NLGN1: variants seen among roughly 807,000 people sequenced by gnomAD.
The protein encoded by NLGN1 is neuroligin 1.
A neutral mutation model predicts 65.5 loss-of-function variants in NLGN1; 12 were observed. The observed-to-expected ratio is 0.18, with a 90% CI of 0.12 to 0.30. NLGN1 has a LOEUF of 0.30. Among genes scored for constraint, NLGN1 ranks in the 10% least tolerant of loss-of-function variants. NLGN1 has a pLI of 1.00. For synonymous variants in NLGN1, 350 were observed against 359.5 expected (o/e 0.97, Z 0.30); for missense variants, 750 against 1,007.1 (o/e 0.74, Z 3.46).
At chr3:173,758,092 G>T (rs1255410141) in intron 3 of NLGN1, among the ~76,000 whole-genome samples, 4 of 151,920 alleles carry the variant, frequency 2.6e-5, no homozygotes, top group African/African-American at 9.7e-5. Flanking sequence ...ACTATTGCTG[G>T]CCTTATAAGA....
chr3:173,425,819 C>A (rs1715990075), intron 1 of NLGN1, among the ~76,000 whole-genome samples: 1 of 151,894 alleles, frequency 6.6e-6, no homozygotes, highest in African/African-American at 2.4e-5. Flanking sequence ...ATTTGGGGTT[C>A]TTTGTAGTTC....
intron 4 of NLGN1, among the ~76,000 whole-genome samples, chr3:174,063,040 ACT>A (rs1196641842): frequency 1.3e-5 from 2 of 152,082 alleles, no homozygotes; most frequent in African/African-American, 4.8e-5. Flanking sequence ...CTGAAAGAAA[ACT>A]CTATTATCTA....
chr3:173,962,341 A>T (rs1165299389), intron 4 of NLGN1, among the ~76,000 whole-genome samples: 1 of 152,084 alleles, frequency 6.6e-6, no homozygotes, highest in African/African-American at 2.4e-5. Context: ...ACATCACCTT[A>T]AGTTGGAAGC....
chr3:174,246,115 T>C (rs891866252), intron 4 of NLGN1, among the ~76,000 whole-genome samples: 5 of 152,198 alleles, frequency 3.3e-5, no homozygotes, highest in African/African-American at 1.2e-4. Flanking sequence ...ATTCTAGGAA[T>C]GAGAATTGTA....
At chr3:174,284,100 G>A (rs1186022489) in exon 7 of NLGN1, 1 of 151,114 alleles carries the variant, frequency 6.6e-6, no homozygotes, top group Non-Finnish European at 1.5e-5. Context: ...ATTAATTTAG[G>A]AAAATGATTG....
chr3:173,992,690 G>A (rs140140177), intron 4 of NLGN1, among the ~76,000 whole-genome samples: 6 of 152,066 alleles, frequency 3.9e-5, no homozygotes, highest in African/African-American at 1.4e-4. Flanking sequence ...GGCACTCTAG[G>A]GTATGTAATG....
chr3:173,714,201 A>C (rs1769462634), intron 3 of NLGN1, among the ~76,000 whole-genome samples: 1 of 152,140 alleles, frequency 6.6e-6, no homozygotes, highest in African/African-American at 2.4e-5. Flanking sequence ...GGAATTGGAA[A>C]TGGGCTCTGA....
intron 3 of NLGN1, among the ~76,000 whole-genome samples, chr3:173,778,384 CG>C (rs1780636096): frequency 6.6e-6 from 1 of 151,502 alleles, no homozygotes. Flanking sequence ...ATTTATTAGG[CG>C]ATGGTTTTAG....
At chr3:173,653,296 A>G (rs1046066806) in intron 3 of NLGN1, among the ~76,000 whole-genome samples, 1 of 152,108 alleles carries the variant, frequency 6.6e-6, no homozygotes, top group Non-Finnish European at 1.5e-5. Flanking sequence ...GACTGGTGTA[A>G]TTGTAAAATC....
At chr3:174,099,695 T>C (rs1711949341) in intron 4 of NLGN1, among the ~76,000 whole-genome samples, 1 of 152,034 alleles carries the variant, frequency 6.6e-6, no homozygotes, top group African/African-American at 2.4e-5. Context: ...TAGTATGACA[T>C]AGTAAAGTAA....
chr3:174,188,117 C>T (rs1731756776), intron 4 of NLGN1, among the ~76,000 whole-genome samples: 1 of 151,934 alleles, frequency 6.6e-6, no homozygotes, highest in Non-Finnish European at 1.5e-5. Context: ...GAGTGTAGCG[C>T]TTCAAAGGCA....
intron 3 of NLGN1, among the ~76,000 whole-genome samples, chr3:173,722,303 G>A (rs1403816297): frequency 6.9e-6 from 1 of 143,978 alleles, no homozygotes; most frequent in Admixed American, 7.2e-5. Flanking sequence ...GAGTGCAATG[G>A]CGTGATCTTG....
chr3:173,592,452 T>G (rs1255575710), intron 2 of NLGN1, among the ~76,000 whole-genome samples: 2 of 152,188 alleles, frequency 1.3e-5, no homozygotes, highest in African/African-American at 4.8e-5. Context: ...TTTTCTTTTT[T>G]GCCACACAAT....
At chr3:173,684,938 A>G (rs1764475060) in intron 3 of NLGN1, among the ~76,000 whole-genome samples, 1 of 152,172 alleles carries the variant, frequency 6.6e-6, no homozygotes, top group Non-Finnish European at 1.5e-5. Context: ...TTCATAAATT[A>G]TTGTTTTTAA....
chr3:173,973,382 A>T (rs1002034905), intron 4 of NLGN1, among the ~76,000 whole-genome samples: 1 of 152,088 alleles, frequency 6.6e-6, no homozygotes, highest in Non-Finnish European at 1.5e-5. Flanking sequence ...TTTCTGCACC[A>T]TCTTCAGCAG....
chr3:174,084,396 A>G (rs1360101575), intron 4 of NLGN1, among the ~76,000 whole-genome samples: 3 of 152,152 alleles, frequency 2.0e-5, no homozygotes, highest in African/African-American at 7.2e-5. Flanking sequence ...CTTCACATAG[A>G]AATTTTCTCC....
chr3:173,408,470 T>C (rs1241152335), intron 1 of NLGN1, among the ~76,000 whole-genome samples: 6 of 152,202 alleles, frequency 3.9e-5, no homozygotes, highest in African/African-American at 1.4e-4. Flanking sequence ...TGACTCTCCT[T>C]GAAGTCACTC....
intron 4 of NLGN1, among the ~76,000 whole-genome samples, chr3:173,848,212 A>G (rs543029722): frequency 3.9e-5 from 6 of 152,306 alleles, no homozygotes; most frequent in Admixed American, 3.9e-4. Context: ...AAGGGTAAAG[A>G]CCCTAGAGGA....
chr3:173,407,937 G>T (rs146250083), intron 1 of NLGN1, among the ~76,000 whole-genome samples: 33 of 152,226 alleles, frequency 2.2e-4, no homozygotes, highest in Non-Finnish European at 4.4e-4. Flanking sequence ...AAGAGTTTGC[G>T]TCCACTAAAA....
Sources: allele counts gnomAD v4.1 joint callset (sites outside exome capture counted in the v4.1 genomes callset), GRCh38; gene constraint gnomAD v4.1.1; transcripts MANE v1.5; gene names NCBI Gene and HGNC (gene_info 2026-07-23, HGNC 2026-07-21).